OSBPL9: variants seen among roughly 807,000 people sequenced by gnomAD.
OSBPL9 encodes oxysterol binding protein like 9, also known as oxysterol-binding protein-related protein 9.
A neutral mutation model predicts 106.6 loss-of-function variants in OSBPL9; 40 were observed. That is an observed-to-expected ratio of 0.38 (90% CI 0.29 to 0.49). OSBPL9 has a LOEUF of 0.49. OSBPL9 is among the 20% of genes least tolerant of loss of function. The pLI is 0.97. For missense variants in OSBPL9, 609 were observed against 887.2 expected (o/e 0.69, Z 3.98); for synonymous variants, 269 against 295.4 (o/e 0.91, Z 0.92).
chr1:51,548,241 C>G, the OSBPL9 span, among the ~76,000 whole-genome samples: 1 of 151,890 alleles, frequency 6.6e-6, no homozygotes, highest in African/African-American at 2.4e-5. Flanking sequence ...ATTACAATTT[C>G]TTTTTGTTTG....
intron 4 of OSBPL9, among the ~76,000 whole-genome samples, chr1:51,742,795 T>TTA (rs1243982322): frequency 2.0e-5 from 3 of 152,112 alleles, no homozygotes; most frequent in African/African-American, 7.2e-5. Flanking sequence ...GTGTTGTGGC[T>TTA]TAGTGTTCTA....
intron 4 of OSBPL9, among the ~76,000 whole-genome samples, chr1:51,726,379 G>A (rs1663118797): frequency 6.6e-6 from 1 of 152,156 alleles, no homozygotes; most frequent in Non-Finnish European, 1.5e-5. Context: ...TCAGAAACCT[G>A]AAGTCTCACC....
chr1:51,572,536 C>A (rs74939084), upstream of OSBPL9, among the ~76,000 whole-genome samples: 6,042 of 152,212 alleles, frequency 0.04, 177 homozygotes, highest in Non-Finnish European at 0.062. Flanking sequence ...AGTGTCTTCC[C>A]CTGTTTCAAG....
chr1:51,703,650 G>C, intron 3 of OSBPL9, among the ~76,000 whole-genome samples: 1 of 152,110 alleles, frequency 6.6e-6, no homozygotes, highest in East Asian at 1.9e-4. Context: ...CTGCCTGATT[G>C]CCCTGGCCAG....
Position 51,783,970 on chromosome 1 carries a change from C to T in OSBPL9, c.1569C>T (p.Ile523=), listed in dbSNP as rs61743086. The T allele has an allele frequency of 1.5e-4, 245 of 1,614,046 alleles. 1 individual carries two copies. In the African/African-American group the frequency reaches 2.6e-3, roughly 17 times the overall value. Residue 523 remains isoleucine, a synonymous_variant, in exon 18 of 24, where the codon ATC becomes ATT. Transcript: ENST00000428468. ...FNKKIQFNAH[I]WTKSKFLGMS... ...AGAAGATACAATTCAATGCTCATAT[C>T]TGGACCAAATCAAAATTCCTTGGGA...
intron 17 of OSBPL9, 86 bp downstream of exon 17, chr1:51,782,729 C>G: frequency 8.5e-7 from 1 of 1,177,964 alleles, no homozygotes; most frequent in Non-Finnish European, 1.2e-6. Flanking sequence ...GCTGAGGGTA[C>G]TGTCAGTTGT....
chr1:51,622,676 A>G (rs956534329), intron 1 of OSBPL9, among the ~76,000 whole-genome samples: 12 of 152,172 alleles, frequency 7.9e-5, no homozygotes, highest in African/African-American at 2.7e-4. Context: ...CTCACCAGGT[A>G]GCCTCTCCAT....
At chr1:51,609,862 C>T (rs1204283895) in intron 2 of OSBPL9, among the ~76,000 whole-genome samples, 2 of 151,656 alleles carry the variant, frequency 1.3e-5, no homozygotes. Flanking sequence ...ATTCTCCTGC[C>T]TCAGTCTCCT....
chr1:51,676,346 C>G (rs1441330330), intron 3 of OSBPL9, among the ~76,000 whole-genome samples: 1 of 151,794 alleles, frequency 6.6e-6, no homozygotes, highest in Non-Finnish European at 1.5e-5. Context: ...TGGAGAATTG[C>G]TTGAACTCGG....
chr1:51,687,433 A>G (rs753656073), intron 3 of OSBPL9, among the ~76,000 whole-genome samples: 4 of 152,262 alleles, frequency 2.6e-5, no homozygotes, highest in African/African-American at 4.8e-5. Flanking sequence ...ACAGTACAAC[A>G]TAAGTGCCAT....
the OSBPL9 span, among the ~76,000 whole-genome samples, chr1:51,519,676 A>G: frequency 2.7e-4 from 41 of 152,330 alleles, no homozygotes; most frequent in South Asian, 8.3e-4. Flanking sequence ...ATAGAAAATA[A>G]TAATGGCACT....
At position 51,598,464 on chromosome 1, in the gene OSBPL9, G is replaced by T. The variant is rs565143106; in HGVS notation, c.-353+271G>T. Reference sequence around the variant, plus strand: ...ATTCTGTGTGTGGTGGTAGTGGGGTGGGGGTAGAGGGCTGTCCGCTGTATT... The same window carrying T: ...ATTCTGTGTGTGGTGGTAGTGGGGTTGGGGTAGAGGGCTGTCCGCTGTATT... On this transcript the variant is annotated intron_variant, in intron 2 of 25. Transcript: ENST00000371714. Among the ~76,000 whole-genome samples, 4 of 152,350 alleles carry T rather than the reference G, an allele frequency of 2.6e-5. No individual in the cohort carries two copies. The East Asian group carries it at 5.8e-4, about 22-fold the overall frequency.
At chr1:51,694,610 C>T (rs981893386) in intron 3 of OSBPL9, among the ~76,000 whole-genome samples, 1 of 152,194 alleles carries the variant, frequency 6.6e-6, no homozygotes, top group East Asian at 1.9e-4. Context: ...TTGTGTGGCA[C>T]TTTGAATAGA....
intron 3 of OSBPL9, among the ~76,000 whole-genome samples, chr1:51,683,079 G>A (rs979242487): frequency 3.3e-5 from 5 of 151,946 alleles, no homozygotes; most frequent in East Asian, 1.9e-4. Context: ...GTTTTGCCAC[G>A]TTGGCCAGGC....
intron 4 of OSBPL9, chr1:51,740,009 A>G (rs1666543281): frequency 3.0e-6 from 3 of 1,002,890 alleles, no homozygotes; most frequent in Admixed American, 3.2e-5. Flanking sequence ...TTAACTTGCC[A>G]CTTGCTGCTC....
chr1:51,669,479 A>G lies in OSBPL9; in HGVS notation c.208A>G (p.Ile70Val), dbSNP rs369986428. The G allele has an allele frequency of 1.2e-5, 19 of 1,614,012 alleles. No homozygotes were observed. Among genetic ancestry groups the G allele is most frequent in the African/African-American group, 6.7e-5 (5 of 74,930 alleles). The change falls in exon 3 of 24, where the codon ATA becomes GTA. Residue 70 changes from isoleucine to valine, a missense_variant. Ile to Val is a conservative substitution (Grantham distance 29). Around this residue, in one of 5 missense-constraint regions of OSBPL9, gnomAD observed 72 missense variants for 140.5 expected, o/e 0.51. Transcript: ENST00000428468. ...IDDEDDSTFT[I>V]TVDQKTFHFQ... Reference sequence around the variant, plus strand: ...CGATGAGGACGACAGCACCTTCACAATAACTGTTGATCAGAAAACCTTCCA... The same window carrying G: ...CGATGAGGACGACAGCACCTTCACAGTAACTGTTGATCAGAAAACCTTCCA...
chr1:51,756,591 A>T (rs2149047620), intron 9 of OSBPL9: 2 of 493,046 alleles, frequency 4.1e-6, no homozygotes, highest in Non-Finnish European at 7.3e-6. Context: ...CTTTGCATGT[A>T]TTAACTTGAA....
chr1:51,702,625 C>T (rs1157181562), intron 3 of OSBPL9, among the ~76,000 whole-genome samples: 1 of 152,182 alleles, frequency 6.6e-6, no homozygotes, highest in Non-Finnish European at 1.5e-5. Flanking sequence ...GTTTCTTTTG[C>T]TGTGCTGAAG....
At chr1:51,550,772 C>T in the OSBPL9 span, among the ~76,000 whole-genome samples, 1 of 152,164 alleles carries the variant, frequency 6.6e-6, no homozygotes, top group Non-Finnish European at 1.5e-5. Flanking sequence ...CCTTAGCCTC[C>T]CAAAGTGCTG....
Sources: allele counts gnomAD v4.1 joint callset (sites outside exome capture counted in the v4.1 genomes callset), GRCh38; gene constraint gnomAD v4.1.1; regional missense constraint gnomAD v4.1.1; transcripts MANE v1.5; gene names NCBI Gene and HGNC (gene_info 2026-07-23, HGNC 2026-07-21).